Variants in KIAA1217 observed in about 807,000 individuals in gnomAD.
KIAA1217 encodes the protein sickle tail protein homolog.
KIAA1217 carries 88 observed loss-of-function variants against 163.9 expected under a neutral mutation model. The observed-to-expected ratio is 0.54, with a 90% confidence interval of 0.45 to 0.64. The LOEUF is 0.64. KIAA1217 is among the 30% of genes least tolerant of loss of function. The probability of loss-of-function intolerance (pLI) is 0.00; values close to 1 mark genes in which losing one functional copy is unlikely to be tolerated. For synonymous variants in KIAA1217, 903 were observed against 923.1 expected (o/e 0.98, Z 0.39); for missense variants, 2,372 against 2,475.0 (o/e 0.96, Z 0.88).
At chr10:23,744,809 G>A (rs970664223) in intron 1 of KIAA1217, among the ~76,000 whole-genome samples, 1 of 152,202 alleles carries the variant, frequency 6.6e-6, no homozygotes, top group African/African-American at 2.4e-5. Context: ...TTTTGAACCT[G>A]TGAGTTGGAG....
chr10:24,275,345 C>T (rs2077166723), intron 2 of KIAA1217, among the ~76,000 whole-genome samples: 1 of 152,078 alleles, frequency 6.6e-6, no homozygotes, highest in Non-Finnish European at 1.5e-5. Flanking sequence ...CACACACAGA[C>T]ACAAAAAGAC....
At chr10:24,283,860 A>T (rs1425638612) in intron 2 of KIAA1217, among the ~76,000 whole-genome samples, 1 of 151,478 alleles carries the variant, frequency 6.6e-6, no homozygotes, top group Non-Finnish European at 1.5e-5. Context: ...TTAATTTGCA[A>T]TTCCTTAATA....
intron 1 of KIAA1217, among the ~76,000 whole-genome samples, chr10:23,928,106 C>T (rs1352575800): frequency 6.6e-6 from 1 of 152,182 alleles, no homozygotes; most frequent in Non-Finnish European, 1.5e-5. Context: ...GCTTGGCTGG[C>T]TTTTGCCTAA....
chr10:23,833,775 G>T (rs887291504), intron 1 of KIAA1217, among the ~76,000 whole-genome samples: 7 of 151,842 alleles, frequency 4.6e-5, no homozygotes, highest in Non-Finnish European at 1.0e-4. Context: ...TGCCTTGGTA[G>T]TCTTTCCCTA....
chr10:24,067,936 C>G (rs770249495), intron 2 of KIAA1217, among the ~76,000 whole-genome samples: 4 of 152,202 alleles, frequency 2.6e-5, no homozygotes, highest in Admixed American at 2.6e-4. Flanking sequence ...GTAGGACCCT[C>G]AGAGCCTTGT....
In KIAA1217 at chr10:24,527,987, G is replaced by A. The variant is rs551093199; in HGVS notation, c.2950G>A (p.Gly984Arg). ...AAGGCAAAATCTGGATCACTATAAT[G>A]GGAAAGAGTTTGAGAAGCTCCTAGA... is the stretch of plus-strand genomic sequence containing the variant. ...EKRQNLDHYNGKEFEKLLEEA... is the reference protein window; with the variant it reads ...EKRQNLDHYNRKEFEKLLEEA... The change falls in exon 14 of 21, where the codon GGG (glycine) becomes AGG (arginine). Residue 984 changes from glycine to arginine, a missense_variant. Transcript: ENST00000376454. 6.2e-7 allele frequency: 1 copy of A among 1,614,118 alleles called. No individual in the cohort carries two copies. Among genetic ancestry groups the A allele is most frequent in the African/African-American group, 1.3e-5 (1 of 75,052 alleles).
chr10:24,508,459 G>C (rs999243346), intron 9 of KIAA1217, among the ~76,000 whole-genome samples: 1 of 152,168 alleles, frequency 6.6e-6, no homozygotes, highest in Non-Finnish European at 1.5e-5. Flanking sequence ...TCTGACATCT[G>C]TTTAACACTG....
At chr10:24,542,828 G>A (rs781456751) in intron 18 of KIAA1217, 55 bp from the exon 19 acceptor site, 11 of 1,611,068 alleles carry the variant, frequency 6.8e-6, no homozygotes, top group Non-Finnish European at 9.3e-6. Context: ...ACCTGCCTCT[G>A]CAGATCCATT....
chr10:23,949,686 A>G lies in KIAA1217; in HGVS notation c.-320-57539A>G, dbSNP rs899170854. Among the ~76,000 whole-genome samples the G allele has an allele frequency of 2.6e-5, 4 of 152,214 alleles. 1 individual carries two copies. Among genetic ancestry groups the G allele is most frequent in the Admixed American group, 2.6e-4 (4 of 15,268 alleles). ...AGTATACTAAAAGTCATTTATGATC[A>G]TGATAATGCAAGTACTGTGAATGAA... On this transcript the variant is annotated intron_variant, in intron 1 of 18. Coordinates refer to the KIAA1217 transcript ENST00000376462.
At position 23,991,659 on chromosome 10, in the gene KIAA1217, G is replaced by A. The variant is rs550573984; in HGVS notation, c.-320-15566G>A. Among the ~76,000 whole-genome samples the A allele has an allele frequency of 6.6e-5, 10 of 152,184 alleles. No individual in the cohort carries two copies. In the South Asian group the frequency reaches 1.0e-3, roughly 16 times the overall value. ...ATCTAGATATTCATATATCTAGAACGTATCTATCCGCATTTCACGTATATG... is the reference window on the plus strand; with the variant it reads ...ATCTAGATATTCATATATCTAGAACATATCTATCCGCATTTCACGTATATG... On this transcript the variant is annotated intron_variant, in intron 1 of 18. Coordinates refer to the KIAA1217 transcript ENST00000376462.
At chr10:23,976,771 C>T (rs1179686499) in intron 1 of KIAA1217, among the ~76,000 whole-genome samples, 1 of 152,204 alleles carries the variant, frequency 6.6e-6, no homozygotes, top group African/African-American at 2.4e-5. Context: ...AGGAAAGGCA[C>T]ACAGATTTTC....
At chr10:24,259,014 C>T (rs550153685) in intron 2 of KIAA1217, among the ~76,000 whole-genome samples, 19 of 152,180 alleles carry the variant, frequency 1.2e-4, no homozygotes, top group African/African-American at 2.6e-4. Flanking sequence ...CCGTGGAAGA[C>T]GAGCCACTGG....
At chr10:23,964,384 C>T (rs1422530673) in intron 1 of KIAA1217, among the ~76,000 whole-genome samples, 1 of 151,840 alleles carries the variant, frequency 6.6e-6, no homozygotes, top group African/African-American at 2.4e-5. Context: ...AATTTTCTCC[C>T]ATTCTGTATG....
At chr10:23,901,905 C>G (rs1841971865) in intron 1 of KIAA1217, among the ~76,000 whole-genome samples, 1 of 121,702 alleles carries the variant, frequency 8.2e-6, no homozygotes, top group African/African-American at 3.5e-5. Context: ...CAGAGTGAGA[C>G]TCTATCTCAA....
chr10:23,780,006 G>A (rs1490597376), intron 1 of KIAA1217, among the ~76,000 whole-genome samples: 1 of 152,130 alleles, frequency 6.6e-6, no homozygotes, highest in Non-Finnish European at 1.5e-5. Flanking sequence ...ATCTAGAATT[G>A]TGTAAATGCA....
chr10:24,195,059 A>C (rs1264112007), intron 2 of KIAA1217, among the ~76,000 whole-genome samples: 1 of 151,872 alleles, frequency 6.6e-6, no homozygotes, highest in African/African-American at 2.4e-5. Flanking sequence ...CTGCCAGGCC[A>C]CCCTGGGTGG....
At chr10:24,080,373 G>T (rs1046778566) in intron 2 of KIAA1217, among the ~76,000 whole-genome samples, 1 of 152,128 alleles carries the variant, frequency 6.6e-6, no homozygotes, top group Admixed American at 6.5e-5. Context: ...AAGAAGAAGG[G>T]ACCCTCTGTC....
chr10:24,396,322 G>A (rs1170026905), intron 3 of KIAA1217, among the ~76,000 whole-genome samples: 1 of 152,032 alleles, frequency 6.6e-6, no homozygotes, highest in Non-Finnish European at 1.5e-5. Flanking sequence ...GGGCGACAGA[G>A]TGAGACTCTG....
chr10:24,260,504 C>T (rs538414256), intron 2 of KIAA1217, among the ~76,000 whole-genome samples: 18 of 146,324 alleles, frequency 1.2e-4, no homozygotes, highest in Non-Finnish European at 5.9e-5. Flanking sequence ...AATCCTAGCA[C>T]TTTGGGAGGC....
Sources: allele counts gnomAD v4.1 joint callset (sites outside exome capture counted in the v4.1 genomes callset), GRCh38; gene constraint gnomAD v4.1.1; transcripts MANE v1.5; gene names NCBI Gene and HGNC (gene_info 2026-07-23, HGNC 2026-07-21).